The following PELP1 variants were observed in gnomAD, a reference collection of about 807,000 sequenced individuals.
PELP1 encodes the protein proline-, glutamic acid- and leucine-rich protein 1.
A neutral mutation model predicts 95.5 loss-of-function variants in PELP1; 32 were observed. The observed-to-expected ratio is 0.34, with a 90% CI of 0.25 to 0.45. PELP1 has a LOEUF of 0.45. Among genes scored for constraint, PELP1 ranks in the 20% least tolerant of loss-of-function variants. The pLI is 1.00. For missense variants in PELP1, 1,358 were observed against 1,444.8 expected, an observed-to-expected ratio of 0.94 and a Z score of 0.97; for synonymous variants, 668 against 600.1, an observed-to-expected ratio of 1.11 and a Z score of -1.65.
In PELP1 at chr17:4,670,423, TAAAGA is replaced by T. The variant is rs1261429187; in HGVS notation, c.*1011_*1015del. 2.6e-5 allele frequency: 4 copies of T among 152,182 alleles called. No homozygotes were observed. The highest frequency in any genetic ancestry group is 7.2e-5 in the African/African-American group (3 of 41,418). The allele number at this position is 152,182 out of a possible 1,614,324, so 9.4% of individuals were successfully genotyped here. On this transcript the variant is annotated 3_prime_UTR_variant, in exon 17 of 17. Coordinates refer to ENST00000572293, the MANE Select transcript of PELP1 (RefSeq NM_014389.3). ...CAAGGCCTAGAATAGGATTAGTGCT[TAAAGA>T]AAAGACACTGGGACAGTCAGGTGCG...
chr17:4,672,649 T>C lies in PELP1; in HGVS notation c.2342A>G (p.Glu781Gly), dbSNP rs1912272850. Residue 781 changes from glutamate to glycine, a missense_variant, in exon 16 of 17, where the codon GAA becomes GGA. Around this residue, in one of 7 missense-constraint regions of PELP1, gnomAD observed 340 missense variants for 322.9 expected, o/e 1.05. Transcript: ENST00000572293. ...CACCACGCTGTCATCAGAGTCACTTTCCAAGGAGATCTCCACATCAGATGC... is the reference window on the plus strand; with the variant it reads ...CACCACGCTGTCATCAGAGTCACTTCCCAAGGAGATCTCCACATCAGATGC... ...EEASDVEISL[E>G]SDSDDSVVIV... 1.2e-6 allele frequency: 2 copies of C among 1,611,912 alleles called. No homozygotes were observed. The highest frequency in any genetic ancestry group is 1.3e-5 in the African/African-American group (1 of 74,532).
rs916613364 is a variant in PELP1, at chr17:4,693,542, G to A, written c.250-2100C>T. Among the ~76,000 whole-genome samples, 8 of 152,066 alleles carry A rather than the reference G, an allele frequency of 5.3e-5. No individual in the cohort carries two copies. The East Asian group carries it at 1.2e-3, about 22-fold the overall frequency. On this transcript the variant is annotated intron_variant, in intron 1 of 16. Transcript: ENST00000572293. ...AATATGCCAGCATCTCTACTCTTAC[G>A]CTTTGGGCCATTATGAAGTAAAATA...
At chr17:4,678,549 C>CACGGCTCTAACCACAGGTGAAGT (rs1567662708) in intron 5 of PELP1, among the ~76,000 whole-genome samples, 14 of 152,218 alleles carry the variant, frequency 9.2e-5, no homozygotes, top group African/African-American at 2.9e-4. Context: ...TACGGTGAAG[C>CACGGCTCTAACCACAGGTGAAGT]GACACGGCTC....
At chr17:4,700,404 G>C (rs1217457192) in intron 1 of PELP1, among the ~76,000 whole-genome samples, 1 of 152,004 alleles carries the variant, frequency 6.6e-6, no homozygotes, top group Admixed American at 6.6e-5. Flanking sequence ...CAGCACTTTG[G>C]GAGGTCGAGT....
chr17:4,677,741 C>A (rs537376405), intron 5 of PELP1, among the ~76,000 whole-genome samples: 1 of 152,136 alleles, frequency 6.6e-6, no homozygotes, highest in South Asian at 2.1e-4. Flanking sequence ...CCAGTCTGGG[C>A]AACATGGAGA....
chr17:4,698,906 T>A (rs1913411223), intron 1 of PELP1, among the ~76,000 whole-genome samples: 1 of 152,096 alleles, frequency 6.6e-6, no homozygotes, highest in Admixed American at 6.5e-5. Flanking sequence ...CTAAAATATG[T>A]CAAAGTAAAA....
At position 4,672,608 on chromosome 17, in the gene PELP1, G is replaced by A. The variant is rs776813522; in HGVS notation, c.2383C>T (p.Leu795Phe). The A allele has an allele frequency of 3.7e-6, 6 of 1,604,466 alleles. No homozygotes were observed. The highest frequency in any genetic ancestry group is 4.3e-6 in the Non-Finnish European group (5 of 1,173,538). Residue 795 changes from leucine (L) to phenylalanine (F), a missense_variant, in exon 16 of 17, where the codon CTT (leucine) becomes TTT (phenylalanine). Physicochemically the swap from Leu to Phe is conservative, Grantham distance 22. Transcript: ENST00000572293. ...GGTGGTGGGGGTGGCAGGGGGGGAA[G>A]CCCCTCGGGCACGATCACCACGCTG... ...DDSVVIVPEG[L>F]PPLPPPPPSG...
At chr17:4,695,017 G>A (rs1356080654) in intron 1 of PELP1, among the ~76,000 whole-genome samples, 2 of 150,690 alleles carry the variant, frequency 1.3e-5, no homozygotes, top group African/African-American at 2.4e-5. Context: ...GACAATGTGA[G>A]ACTCCATTTC....
intron 3 of PELP1, among the ~76,000 whole-genome samples, chr17:4,687,280 C>T (rs1459913742): frequency 5.3e-5 from 8 of 152,194 alleles, no homozygotes; most frequent in Non-Finnish European, 1.0e-4. Context: ...TGTGGTGGCT[C>T]ACACCTGTAA....
Position 4,673,426 on chromosome 17 carries a change from T to C in PELP1, c.1669A>G (p.Met557Val). The C allele has an allele frequency of 6.3e-7, 1 of 1,594,614 alleles. No homozygotes were observed. Among genetic ancestry groups the C allele is most frequent in the African/African-American group, 1.3e-5 (1 of 74,616 alleles). Residue 557 changes from methionine to valine, a missense_variant, in exon 15 of 17, where the codon ATG becomes GTG. Met to Val is a conservative substitution (Grantham distance 21). Coordinates refer to ENST00000572293, the MANE Select transcript of PELP1 (RefSeq NM_014389.3). This position sits in a 1 kb window ranked among gnomAD's most constrained non-coding sequence, Gnocchi z 5.7. ...AGGACCTCACCCTGCTGTACACCCA[T>C]GACCAGGGGGAGGACCAGGTCATGC... ...RLHDLVLPLVMGVQQGEVLGS... is the reference protein window; with the variant it reads ...RLHDLVLPLVVGVQQGEVLGS...
chr17:4,685,262 G>A (rs1055533710), intron 3 of PELP1, among the ~76,000 whole-genome samples: 2 of 152,060 alleles, frequency 1.3e-5, no homozygotes, highest in African/African-American at 2.4e-5. Flanking sequence ...AGGCACACAC[G>A]GAAATAACTC....
Position 4,672,503 on chromosome 17 carries a change from C to G in PELP1, c.2488G>C (p.Glu830Gln). Residue 830 changes from glutamate to glutamine, a missense_variant, in exon 16 of 17, where the codon GAA (glutamate) becomes CAA (glutamine). Physicochemically the swap from Glu to Gln is conservative, Grantham distance 29 (BLOSUM62 2). Transcript: ENST00000572293. ...GGCCCTGGGGCTGCAGGAAGTTCTT[C>G]AGGCTCCTCCTTCGCTGGCACAGGA... ...SPPVPAKEEP[E>Q]ELPAAPGPLP... 1 of 1,576,488 alleles carries G rather than the reference C, an allele frequency of 6.3e-7. No individual in the cohort carries two copies. Among genetic ancestry groups the G allele is most frequent in the Non-Finnish European group, 8.6e-7 (1 of 1,163,908 alleles).
chr17:4,689,723 G>A (rs558734354), intron 3 of PELP1, among the ~76,000 whole-genome samples: 1 of 152,322 alleles, frequency 6.6e-6, no homozygotes, highest in South Asian at 2.1e-4. Context: ...CAACCAGCAA[G>A]TGGATAAAGA....
At chr17:4,693,871 G>C (rs1338802120) in intron 1 of PELP1, among the ~76,000 whole-genome samples, 1 of 152,202 alleles carries the variant, frequency 6.6e-6, no homozygotes, top group East Asian at 1.9e-4. Context: ...GCACAGATAA[G>C]AGGGGACTAT....
chr17:4,690,040 CAG>C (rs775761243), intron 3 of PELP1, among the ~76,000 whole-genome samples: 4 of 150,552 alleles, frequency 2.7e-5, no homozygotes, highest in Non-Finnish European at 4.4e-5. Context: ...GAGACAGAGA[CAG>C]AGAGAGAGAG....
Position 4,670,592 on chromosome 17 carries a change from G to A in PELP1, c.*847C>T, listed in dbSNP as rs1169054647. 1.3e-5 allele frequency: 2 copies of A among 152,296 alleles called. No homozygotes were observed. The highest frequency in any genetic ancestry group is 2.9e-5 in the Non-Finnish European group (2 of 68,170). 9.4% of individuals were successfully genotyped at this position (152,296 alleles called of 1,614,324 possible). A position where few individuals can be genotyped will look rare whatever the true frequency, so the allele number is the denominator to read the frequency against. On this transcript the variant is annotated 3_prime_UTR_variant, in exon 17 of 17. Coordinates refer to ENST00000572293, the MANE Select transcript of PELP1 (RefSeq NM_014389.3). ...ACAAAAATTAGCCAGGCAGTGGCAG[G>A]CGCCTGTAATCCCAGCTACTCAGGA...
intron 6 of PELP1, 42 bp downstream of exon 6, chr17:4,676,711 G>C: frequency 4.6e-6 from 7 of 1,514,606 alleles, no homozygotes; most frequent in Non-Finnish European, 6.3e-6. Context: ...GACAATCCAG[G>C]CTCAGATCCC....
At position 4,675,022 on chromosome 17, in the gene PELP1, T is replaced by C; in HGVS notation, c.1274+57A>G. 6.2e-7 allele frequency: 1 copy of C among 1,605,800 alleles called. No homozygotes were observed. The highest frequency in any genetic ancestry group is 8.5e-7 in the Non-Finnish European group (1 of 1,173,330). ...AACATGCCAGAAGCCCCAGCCCACC[T>C]GCACCCCCTCACCCCCCTCTCCTCT... is the stretch of plus-strand genomic sequence containing the variant. On this transcript the variant is annotated intron_variant, in intron 11 of 16. Transcript: ENST00000572293. The surrounding 1 kb of genome is among the most constrained non-coding windows in gnomAD (Gnocchi z 4.3).
At chr17:4,692,020 C>G (rs1913122264) in intron 1 of PELP1, among the ~76,000 whole-genome samples, 1 of 152,190 alleles carries the variant, frequency 6.6e-6, no homozygotes, top group Non-Finnish European at 1.5e-5. Context: ...GGCCAGCCTC[C>G]TCTCACGGCA....
Sources: gnomAD v4.1 joint callset for allele counts (sites outside exome capture counted in the v4.1 genomes callset) on GRCh38, gnomAD v4.1.1 for gene constraint, gnomAD v4.1.1 regional missense constraint, Gnocchi (gnomAD v3.1) non-coding constraint, MANE v1.5 for transcripts, NCBI Gene and HGNC (gene_info 2026-07-23, HGNC 2026-07-21) for gene names.